Variants in ITPRID1 observed in about 807,000 individuals in gnomAD.
ITPRID1 encodes ITPR interacting domain containing 1, also known as protein ITPRID1.
A neutral mutation model predicts 95.4 loss-of-function variants in ITPRID1; 96 were observed. That is an observed-to-expected ratio of 1.01 (90% CI 0.85 to 1.19). ITPRID1 has a LOEUF of 1.19. Among genes scored for constraint, ITPRID1 ranks in the 50% most tolerant of loss-of-function variants. ITPRID1 has a pLI of 0.00. For missense variants in ITPRID1, 1,339 were observed against 1,252.9 expected, an observed-to-expected ratio of 1.07 and a Z score of -1.04; for synonymous variants, 510 against 453.6, an observed-to-expected ratio of 1.12 and a Z score of -1.58.
At chr7:31,585,393 C>T (rs1785553261) in intron 10 of ITPRID1, among the ~76,000 whole-genome samples, 1 of 151,932 alleles carries the variant, frequency 6.6e-6, no homozygotes. Context: ...AAATTGGGAC[C>T]CAAGGCCACA....
chr7:31,646,911 ACAT>A (rs1350531420), intron 12 of ITPRID1, among the ~76,000 whole-genome samples: 6 of 152,202 alleles, frequency 3.9e-5, no homozygotes, highest in African/African-American at 1.4e-4. Context: ...AGTTGATTTG[ACAT>A]CATACACCTG....
chr7:31,552,769 A>T (rs1784323649), intron 2 of ITPRID1, among the ~76,000 whole-genome samples: 1 of 152,198 alleles, frequency 6.6e-6, no homozygotes, highest in Non-Finnish European at 1.5e-5. Context: ...TGGTCTGATG[A>T]CTGGCATGGC....
intron 10 of ITPRID1, among the ~76,000 whole-genome samples, chr7:31,616,665 T>C (rs17160313): frequency 0.014 from 2,076 of 152,218 alleles, 61 homozygotes; most frequent in African/African-American, 0.047. Flanking sequence ...ATTCCCCAGA[T>C]AGCTTAAAGA....
intron 10 of ITPRID1, among the ~76,000 whole-genome samples, chr7:31,597,795 G>T (rs1039776009): frequency 2.0e-5 from 3 of 152,068 alleles, no homozygotes; most frequent in Admixed American, 1.3e-4. Flanking sequence ...TAAAATTCAT[G>T]TGTACAAGTA....
intron 10 of ITPRID1, among the ~76,000 whole-genome samples, chr7:31,617,147 G>T (rs1056152908): frequency 2.0e-5 from 3 of 152,164 alleles, no homozygotes; most frequent in Admixed American, 2.0e-4. Context: ...TTCAGTTTTT[G>T]AAGCATTTGC....
At chr7:31,580,123 C>A (rs1785341917) in intron 9 of ITPRID1, among the ~76,000 whole-genome samples, 1 of 151,780 alleles carries the variant, frequency 6.6e-6, no homozygotes, top group Non-Finnish European at 1.5e-5. Flanking sequence ...CATGGTGAAA[C>A]CCTGTCTCTA....
chr7:31,653,859 C>T lies in ITPRID1; in HGVS notation c.*1030C>T, dbSNP rs763320440. On this transcript the variant is annotated 3_prime_UTR_variant, in exon 15 of 15. Coordinates refer to ENST00000615280, the MANE Select transcript of ITPRID1 (RefSeq NM_001257967.3). ...CGATTTAGATCAATGTTCAGACAGC[C>T]CTGGTTGAGGAAGTAACAACAGAAG... Among the ~76,000 whole-genome samples the T allele has an allele frequency of 4.6e-5, 7 of 151,996 alleles. No individual in the cohort carries two copies. The highest frequency in any genetic ancestry group is 2.9e-5 in the Non-Finnish European group (2 of 67,980).
chr7:31,550,709 G>A (rs1466912744), intron 2 of ITPRID1, among the ~76,000 whole-genome samples: 2 of 102,810 alleles, frequency 1.9e-5, no homozygotes, highest in Non-Finnish European at 4.9e-5. Context: ...TTTTAGCAAG[G>A]GTTCCCATTT....
rs748232113 is a variant in ITPRID1, at chr7:31,643,161, A to T, written c.1791A>T (p.Gln597His). ...GKVQSHHNES[Q>H]RSPGNDHTQD... ...TGCAAAGCCACCACAATGAGTCTCA[A>T]AGGTCACCTGGAAATGATCATACTC... Residue 597 changes from glutamine to histidine, a missense_variant, in exon 12 of 15, where the codon CAA becomes CAT. Coordinates refer to ENST00000615280, the MANE Select transcript of ITPRID1 (RefSeq NM_001257967.3). 1.7e-5 allele frequency: 28 copies of T among 1,613,840 alleles called. No homozygotes were observed. Among genetic ancestry groups the T allele is most frequent in the South Asian group, 1.1e-4 (10 of 91,082 alleles).
chr7:31,616,248 T>TAAATGTAAGTTATTGCTA (rs1787214018), intron 10 of ITPRID1, among the ~76,000 whole-genome samples: 1 of 152,206 alleles, frequency 6.6e-6, no homozygotes, highest in Admixed American at 6.5e-5. Context: ...TTGATTAATT[T>TAAATGTAAGTTATTGCTA]AAATGTAAGT....
rs1198811832 is a variant in ITPRID1, at chr7:31,601,150, A to G, written c.1228+17959A>G. Among the ~76,000 whole-genome samples, 4 of 152,220 alleles carry G rather than the reference A, an allele frequency of 2.6e-5. 1 individual carries two copies. Among genetic ancestry groups the G allele is most frequent in the African/African-American group, 4.8e-5 (2 of 41,454 alleles). On this transcript the variant is annotated intron_variant, in intron 10 of 14. Transcript: ENST00000615280. ...GAAATCAATTACTTATTGAATTACA[A>G]TTGTGATAAGTGTCAGGAAGAAATA...
intron 2 of ITPRID1, among the ~76,000 whole-genome samples, chr7:31,550,419 T>C (rs1309830268): frequency 6.6e-6 from 1 of 152,126 alleles, no homozygotes; most frequent in Non-Finnish European, 1.5e-5. Flanking sequence ...AGGTTCGAAA[T>C]GGTCCTTGGG....
intron 10 of ITPRID1, among the ~76,000 whole-genome samples, chr7:31,640,618 T>C (rs1789934506): frequency 6.6e-6 from 1 of 151,912 alleles, no homozygotes; most frequent in African/African-American, 2.4e-5. Context: ...TCTGTAACTG[T>C]CTGAGGTCCA....
intron 5 of ITPRID1, among the ~76,000 whole-genome samples, chr7:31,566,703 A>T (rs1784812665): frequency 6.6e-6 from 1 of 152,248 alleles, no homozygotes; most frequent in Non-Finnish European, 1.5e-5. Context: ...CCTAAAAATT[A>T]CACGGTGCTT....
At chr7:31,531,089 C>T (rs1056504111) in intron 1 of ITPRID1, among the ~76,000 whole-genome samples, 2 of 152,164 alleles carry the variant, frequency 1.3e-5, no homozygotes, top group Non-Finnish European at 2.9e-5. Context: ...TTAGAGGGAG[C>T]CCAAATGGAG....
chr7:31,635,912 CACACAT>C (rs1314394329), intron 10 of ITPRID1, among the ~76,000 whole-genome samples: 3 of 152,066 alleles, frequency 2.0e-5, no homozygotes, highest in Non-Finnish European at 4.4e-5. Context: ...GCACATCCTG[CACACAT>C]ACCCTGGAAC....
intron 10 of ITPRID1, among the ~76,000 whole-genome samples, chr7:31,641,949 G>A (rs2041369): frequency 0.72 from 109,171 of 151,930 alleles, 39,853 homozygotes; most frequent in East Asian, 0.83. Flanking sequence ...CTCTTCCTTC[G>A]TTTCAGGTTT....
chr7:31,631,841 T>A (rs75369118), intron 10 of ITPRID1, among the ~76,000 whole-genome samples: 67 of 152,314 alleles, frequency 4.4e-4, no homozygotes, highest in African/African-American at 1.6e-3. Flanking sequence ...AATTAGCTTG[T>A]CTCAGGATTA....
intron 10 of ITPRID1, among the ~76,000 whole-genome samples, chr7:31,622,835 G>A (rs1442113084): frequency 1.3e-5 from 2 of 152,146 alleles, no homozygotes; most frequent in South Asian, 2.1e-4. Flanking sequence ...TTTTTGAAAT[G>A]ATCAACAAAA....
Sources: gnomAD v4.1 joint callset for allele counts (sites outside exome capture counted in the v4.1 genomes callset) on GRCh38, gnomAD v4.1.1 for gene constraint, MANE v1.5 for transcripts, NCBI Gene and HGNC (gene_info 2026-07-23, HGNC 2026-07-21) for gene names.